Variants in SORBS2 observed in about 807,000 individuals in gnomAD.
SORBS2 encodes the protein sorbin and SH3 domain-containing protein 2.
A neutral mutation model predicts 97.7 loss-of-function variants in SORBS2; 46 were observed. That is an observed-to-expected ratio of 0.47 (90% CI 0.37 to 0.60). The LOEUF is 0.60. Among genes scored for constraint, SORBS2 ranks in the 20% least tolerant of loss-of-function variants. SORBS2 has a pLI of 0.00. For missense variants in SORBS2, 1,316 were observed against 1,282.3 expected (o/e 1.03, Z -0.40); for synonymous variants, 476 against 473.4 (o/e 1.01, Z -0.07).
At position 185,788,562 on chromosome 4, in the gene SORBS2, C is replaced by T. The variant is rs1311098108; in HGVS notation, c.-337-13196G>A. Among the ~76,000 whole-genome samples the T allele has an allele frequency of 2.0e-5, 3 of 152,130 alleles. No homozygotes were observed. The East Asian group carries it at 5.8e-4, about 29-fold the overall frequency. On this transcript the variant is annotated intron_variant, in intron 1 of 20. Coordinates refer to the SORBS2 transcript ENST00000284776. Reference sequence around the variant, plus strand: ...AGAGAGGAATTATTCGTACAAGGCTCGCTGGTGAAACTTCTGAAAAAGAGA... The same window carrying T: ...AGAGAGGAATTATTCGTACAAGGCTTGCTGGTGAAACTTCTGAAAAAGAGA...
chr4:185,861,720 C>G (rs960843999), intron 1 of SORBS2, among the ~76,000 whole-genome samples: 5 of 152,020 alleles, frequency 3.3e-5, no homozygotes, highest in African/African-American at 1.2e-4. Context: ...ATCCTCCTGC[C>G]TCAGCCTCCC....
At chr4:185,873,788 T>C (rs2099231769) in intron 1 of SORBS2, among the ~76,000 whole-genome samples, 1 of 152,194 alleles carries the variant, frequency 6.6e-6, no homozygotes, top group South Asian at 2.1e-4. Flanking sequence ...AGCCAAAATA[T>C]GTTAACTATT....
intron 2 of SORBS2, among the ~76,000 whole-genome samples, chr4:185,753,971 T>G (rs928392662): frequency 6.6e-6 from 1 of 152,166 alleles, no homozygotes; most frequent in African/African-American, 2.4e-5. Context: ...GGAATATAAA[T>G]CATTTTATCA....
At chr4:185,850,605 G>C (rs1429768057) in intron 1 of SORBS2, among the ~76,000 whole-genome samples, 2 of 152,150 alleles carry the variant, frequency 1.3e-5, no homozygotes, top group Non-Finnish European at 2.9e-5. Context: ...AGTAAGCCTG[G>C]TCAACTGCCT....
At chr4:185,621,380 A>C (rs2096717094) in intron 7 of SORBS2, among the ~76,000 whole-genome samples, 2 of 152,180 alleles carry the variant, frequency 1.3e-5, no homozygotes, top group Admixed American at 1.3e-4. Context: ...TTACTAAAAA[A>C]CAAAATACTT....
At chr4:185,587,980 G>A (rs552360376) in intron 14 of SORBS2, 2 of 310,424 alleles carry the variant, frequency 6.4e-6, no homozygotes, top group East Asian at 7.2e-5. Context: ...GCTGAGGAGG[G>A]GGGCGGAGGA....
At chr4:185,793,669 A>T (rs2099091600) in intron 1 of SORBS2, among the ~76,000 whole-genome samples, 1 of 152,212 alleles carries the variant, frequency 6.6e-6, no homozygotes, top group African/African-American at 2.4e-5. Flanking sequence ...TGACAAAACA[A>T]AGCGTGTCTG....
intron 2 of SORBS2, among the ~76,000 whole-genome samples, chr4:185,768,873 A>G (rs759518203): frequency 3.9e-5 from 6 of 152,234 alleles, no homozygotes; most frequent in Non-Finnish European, 7.3e-5. Flanking sequence ...CTACAGAGTG[A>G]AATTCCATAC....
At chr4:185,658,486 T>C (rs938286833), upstream of SORBS2, among the ~76,000 whole-genome samples, 6 of 152,128 alleles carry the variant, frequency 3.9e-5, no homozygotes, top group Admixed American at 6.6e-5. Context: ...TGCAATTAAT[T>C]TGAAAATGTT....
At chr4:185,693,167 G>A (rs2098124457) in intron 2 of SORBS2, among the ~76,000 whole-genome samples, 1 of 152,174 alleles carries the variant, frequency 6.6e-6, no homozygotes, top group South Asian at 2.1e-4. Flanking sequence ...AAAAATGATT[G>A]AGGGAAATTT....
chr4:185,595,460 C>A (rs2096063035), intron 12 of SORBS2, among the ~76,000 whole-genome samples: 2 of 152,154 alleles, frequency 1.3e-5, no homozygotes, highest in Admixed American at 1.3e-4. Flanking sequence ...ATTATTAAAT[C>A]AATTTAAATA....
chr4:185,892,513 C>A (rs2099243012), intron 1 of SORBS2, among the ~76,000 whole-genome samples: 1 of 152,192 alleles, frequency 6.6e-6, no homozygotes, highest in African/African-American at 2.4e-5. Context: ...AAGGTGGAAA[C>A]AACTCAAGGG....
intron 1 of SORBS2, among the ~76,000 whole-genome samples, chr4:185,890,453 G>A (rs2099241904): frequency 1.3e-5 from 2 of 152,168 alleles, no homozygotes; most frequent in South Asian, 4.1e-4. Flanking sequence ...GAGTGTCACA[G>A]TGAGAATCCA....
chr4:185,932,002 CTATATA>C (rs747703284), intron 1 of SORBS2, among the ~76,000 whole-genome samples: 1 of 148,570 alleles, frequency 6.7e-6, no homozygotes, highest in Admixed American at 6.7e-5. Flanking sequence ...CTCTCTCTCT[CTATATA>C]TATATATATA....
At chr4:185,901,297 G>C (rs1193763511) in intron 1 of SORBS2, among the ~76,000 whole-genome samples, 1 of 152,000 alleles carries the variant, frequency 6.6e-6, no homozygotes, top group Non-Finnish European at 1.5e-5. Context: ...TCTACCTCCT[G>C]GGTTCAAGCG....
At chr4:185,593,522 C>T (rs1437413674) in intron 13 of SORBS2, 28 of 198,830 alleles carry the variant, frequency 1.4e-4, no homozygotes, top group Non-Finnish European at 2.4e-4. Context: ...TACCGTCTCC[C>T]AGTGGGTGTA....
intron 1 of SORBS2, among the ~76,000 whole-genome samples, chr4:185,792,435 A>C (rs1185239599): frequency 2.6e-5 from 4 of 151,990 alleles, no homozygotes; most frequent in Non-Finnish European, 5.9e-5. Flanking sequence ...CAGAGGCTGC[A>C]GTTAGCTGAG....
At chr4:185,682,093 TTCATTTATTC>T (rs1240705985) in intron 2 of SORBS2, among the ~76,000 whole-genome samples, 1 of 152,244 alleles carries the variant, frequency 6.6e-6, no homozygotes, top group African/African-American at 2.4e-5. Flanking sequence ...ATTTATTTTC[TTCATTTATTC>T]TCATTTATTC....
chr4:185,892,521 G>A (rs72709741), intron 1 of SORBS2, among the ~76,000 whole-genome samples: 14,706 of 152,236 alleles, frequency 0.097, 847 homozygotes, highest in Middle Eastern at 0.18. Flanking sequence ...AACAACTCAA[G>A]GGTCCATGGA....
Sources: allele counts gnomAD v4.1 joint callset (sites outside exome capture counted in the v4.1 genomes callset), GRCh38; gene constraint gnomAD v4.1.1; transcripts MANE v1.5; gene names NCBI Gene and HGNC (gene_info 2026-07-23, HGNC 2026-07-21).